Variants in TNC observed in about 807,000 individuals in gnomAD.
TNC encodes tenascin C.
A neutral mutation model predicts 202.4 loss-of-function variants in TNC; 109 were observed. That is an observed-to-expected ratio of 0.54 (90% CI 0.46 to 0.63). TNC has a LOEUF of 0.63. TNC is among the 30% of genes least tolerant of loss of function. The pLI is 0.00. For synonymous variants in TNC, 1,007 were observed against 1,089.7 expected, an observed-to-expected ratio of 0.92 and a Z score of 1.50; for missense variants, 2,756 against 2,833.3, an observed-to-expected ratio of 0.97 and a Z score of 0.62.
intron 1 of TNC, among the ~76,000 whole-genome samples, chr9:115,117,476 C>A (rs1439084105): frequency 6.6e-6 from 1 of 152,166 alleles, no homozygotes; most frequent in African/African-American, 2.4e-5. Context: ...ATTTTGAGGA[C>A]CAAATGAGGG....
intron 1 of TNC, among the ~76,000 whole-genome samples, chr9:115,096,648 C>T (rs1158346072): frequency 6.6e-6 from 1 of 152,108 alleles, no homozygotes; most frequent in Non-Finnish European, 1.5e-5. Context: ...AAAATGGCTT[C>T]TTTTTAGCAA....
chr9:115,064,937 T>A lies in TNC; in HGVS notation c.3215-18A>T. 6.2e-7 allele frequency: 1 copy of A among 1,605,702 alleles called. No homozygotes were observed. Reference sequence around the variant, plus strand: ...GGCTTGTTCTGAATAATGACAGAGATGGGGTCAGTTAAACTATTCCTCAGA... The same window carrying A: ...GGCTTGTTCTGAATAATGACAGAGAAGGGGTCAGTTAAACTATTCCTCAGA... On this transcript the variant is annotated intron_variant, in intron 10 of 27. Coordinates refer to ENST00000350763, the MANE Select transcript of TNC (RefSeq NM_002160.4).
Position 115,082,798 on chromosome 9 carries a change from G to A in TNC, c.2141C>T (p.Ala714Val). 6.2e-7 allele frequency: 1 copy of A among 1,612,724 alleles called. No homozygotes were observed. The highest frequency in any genetic ancestry group is 8.5e-7 in the Non-Finnish European group (1 of 1,178,720). The change falls in exon 5 of 28, where the codon GCA (alanine) becomes GTA (valine). Residue 714 changes from alanine to valine, a missense_variant. Physicochemically the swap from Ala to Val is moderately conservative, Grantham distance 64. Around this residue, in one of 2 missense-constraint regions of TNC, gnomAD observed 2,559 missense variants for 2,546.0 expected, o/e 1.01. Transcript: ENST00000350763. ...GGACTTGAATTTCAGGCCTTCAGGT[G>A]CAGGTAAGTCTGTAAGTAACAACAT... ...VSARVATYLP[A>V]PEGLKFKSIK... is the part of the protein sequence containing the mutation.
chr9:115,103,547 A>G (rs2989518), intron 1 of TNC, among the ~76,000 whole-genome samples: 67,951 of 151,938 alleles, frequency 0.45, 15,454 homozygotes, highest in Admixed American at 0.52. Flanking sequence ...GGTCTGACCA[A>G]CAGGGTCATT....
Position 115,077,347 on chromosome 9 carries a change from C to T in TNC, c.2674+596G>A, listed in dbSNP as rs756368054. On this transcript the variant is annotated intron_variant, in intron 7 of 27. Coordinates refer to ENST00000350763, the MANE Select transcript of TNC (RefSeq NM_002160.4). ...CTGGGATTACAGGCGTGAGCCACTGCGCCTGACCCCAATTTTTGTACTTTT... is the reference window on the plus strand; with the variant it reads ...CTGGGATTACAGGCGTGAGCCACTGTGCCTGACCCCAATTTTTGTACTTTT... Among the ~76,000 whole-genome samples the T allele has an allele frequency of 3.3e-4, 51 of 152,286 alleles. 5 individuals are homozygous for T. Among genetic ancestry groups the T allele is most frequent in the Admixed American group, 1.7e-3 (26 of 15,302 alleles).
Position 115,073,698 on chromosome 9 carries a change from A to G in TNC, c.3119T>C (p.Leu1040Pro). The stretch of plus-strand genomic sequence containing the variant: ...CTCCTGTCCTGGTTCCAGGCCTCTC[A>G]GGACATAGGAAGTGGTGTTTCTTGG... ...QLPRNTTSYV[L>P]RGLEPGQEYN... Residue 1040 changes from leucine (L) to proline (P), a missense_variant, in exon 10 of 28, where the codon CTG becomes CCG. Coordinates refer to ENST00000350763, the MANE Select transcript of TNC (RefSeq NM_002160.4). 2 of 1,614,104 alleles carry G rather than the reference A, an allele frequency of 1.2e-6. No individual in the cohort carries two copies. The highest frequency in any genetic ancestry group is 1.7e-6 in the Non-Finnish European group (2 of 1,180,006).
chr9:115,035,757 TA>T (rs1157080068), intron 21 of TNC: 1 of 281,888 alleles, frequency 3.5e-6, no homozygotes. Flanking sequence ...AAAAATTGCC[TA>T]AAAAATATGC....
At chr9:115,101,521 T>C (rs1242673786) in intron 1 of TNC, among the ~76,000 whole-genome samples, 1 of 152,222 alleles carries the variant, frequency 6.6e-6, no homozygotes, top group South Asian at 2.1e-4. Flanking sequence ...CCGCAATTGA[T>C]TTTAACTCCA....
intron 27 of TNC, among the ~76,000 whole-genome samples, chr9:115,022,688 A>T (rs1829168692): frequency 6.6e-6 from 1 of 152,180 alleles, no homozygotes; most frequent in African/African-American, 2.4e-5. Context: ...ACACAATAAG[A>T]TGGAAACAAC....
At chr9:115,043,386 C>G (rs909676761) in intron 17 of TNC, among the ~76,000 whole-genome samples, 2 of 152,156 alleles carry the variant, frequency 1.3e-5, no homozygotes, top group African/African-American at 4.8e-5. Context: ...GGTTTTTGCC[C>G]TGCCCATGGA....
At chr9:115,047,580 G>C (rs759114616) in intron 16 of TNC, among the ~76,000 whole-genome samples, 53 of 152,114 alleles carry the variant, frequency 3.5e-4, no homozygotes, top group Non-Finnish European at 5.6e-4. Context: ...CTTTAACTTT[G>C]TTTAACTCAG....
Position 115,091,035 on chromosome 9 carries a change from G to T in TNC, c.-17C>A, listed in dbSNP as rs1409716514. 6.3e-7 allele frequency: 1 copy of T among 1,597,942 alleles called. No individual in the cohort carries two copies. The highest frequency in any genetic ancestry group is 1.1e-5 in the South Asian group (1 of 90,800). On this transcript the variant is annotated 5_prime_UTR_variant, in exon 2 of 28. Coordinates refer to ENST00000350763, the MANE Select transcript of TNC (RefSeq NM_002160.4). ...GGCCCCCATGGTGGAGGTGGGTTTG[G>T]CTGGGTGCTGCTGGGGCTCTAGGGC...
At position 115,048,479 on chromosome 9, in the gene TNC, A is replaced by G; in HGVS notation, c.4633T>C (p.Phe1545Leu). 1 of 1,613,958 alleles carries G rather than the reference A, an allele frequency of 6.2e-7. No individual in the cohort carries two copies. Among genetic ancestry groups the G allele is most frequent in the Admixed American group, 1.7e-5 (1 of 59,964 alleles). ...LTISDINPYG[F>L]TVSWMASENA... Reference sequence around the variant, plus strand: ...TCCGATGCCATCCAGGAAACTGTGAACCCGTAGGGATTAATGTCGGAAATG... The same window carrying G: ...TCCGATGCCATCCAGGAAACTGTGAGCCCGTAGGGATTAATGTCGGAAATG... The change falls in exon 16 of 28, where the codon TTC becomes CTC. Residue 1545 changes from phenylalanine to leucine, a missense_variant. Around this residue, in one of 2 missense-constraint regions of TNC, gnomAD observed 2,559 missense variants for 2,546.0 expected, o/e 1.01. Coordinates refer to ENST00000350763, the MANE Select transcript of TNC (RefSeq NM_002160.4).
At chr9:115,093,622 T>TC (rs1351335506) in intron 1 of TNC, among the ~76,000 whole-genome samples, 1 of 144,600 alleles carries the variant, frequency 6.9e-6, no homozygotes, top group African/African-American at 2.5e-5. Flanking sequence ...ATTCTTAGCT[T>TC]TTTTTTTTTT....
intron 1 of TNC, among the ~76,000 whole-genome samples, chr9:115,113,144 A>G (rs1265551593): frequency 1.4e-5 from 2 of 145,154 alleles, no homozygotes; most frequent in Non-Finnish European, 3.0e-5. Flanking sequence ...TCTGTCAAAG[A>G]ACACCAGGGC....
At chr9:115,052,475 CAATAAATAAATAAATA>C (rs200189324) in intron 15 of TNC, among the ~76,000 whole-genome samples, 3 of 147,972 alleles carry the variant, frequency 2.0e-5, no homozygotes, top group South Asian at 2.1e-4. Flanking sequence ...TCTCACAGCA[CAATAAATAAATAAATA>C]AATAAATAAA....
chr9:115,039,467 A>G (rs1830574379), intron 19 of TNC, among the ~76,000 whole-genome samples: 1 of 152,248 alleles, frequency 6.6e-6, no homozygotes, highest in Non-Finnish European at 1.5e-5. Context: ...AAGGATGGAT[A>G]TTCAAAGGAT....
chr9:115,057,772 A>G lies in TNC; in HGVS notation c.4307-347T>C, dbSNP rs1588084615. On this transcript the variant is annotated intron_variant, in intron 14 of 27. Transcript: ENST00000350763. ...GAGCCCTACCTCAGGGTTGCTGGCC[A>G]CTGGTCAAAAGATATGAGTCCTGGC... 2.0e-5 allele frequency among the ~76,000 whole-genome samples: 3 copies of G among 152,360 alleles called. No homozygotes were observed. The East Asian group carries it at 5.8e-4, about 29-fold the overall frequency.
At position 115,052,690 on chromosome 9, in the gene TNC, T is replaced by A. The variant is rs1831787973; in HGVS notation, c.4580-4158A>T. Reference sequence around the variant, plus strand: ...TGTTGAATTTTCCTTTAAGATGACTTATCTCCTTTTCTCTCTGTGTTAGAC... The same window carrying A: ...TGTTGAATTTTCCTTTAAGATGACTAATCTCCTTTTCTCTCTGTGTTAGAC... On this transcript the variant is annotated intron_variant, in intron 15 of 27. Coordinates refer to ENST00000350763, the MANE Select transcript of TNC (RefSeq NM_002160.4). The A allele has an allele frequency of 7.6e-6, 5 of 659,564 alleles. No homozygotes were observed. In the East Asian group the frequency reaches 1.4e-4, roughly 18 times the overall value. 40.9% of individuals were successfully genotyped at this position (659,564 alleles called of 1,614,324 possible).
Sources: gnomAD v4.1 joint callset for allele counts (sites outside exome capture counted in the v4.1 genomes callset) on GRCh38, gnomAD v4.1.1 for gene constraint, gnomAD v4.1.1 regional missense constraint, MANE v1.5 for transcripts, NCBI Gene and HGNC (gene_info 2026-07-23, HGNC 2026-07-21) for gene names.